The following GPR137C variants were observed in gnomAD, a reference collection of about 807,000 sequenced individuals.
GPR137C encodes G protein-coupled receptor 137C.
In GPR137C, 27 loss-of-function variants were observed where a neutral mutation model predicts 43.4. The ratio of observed to expected loss-of-function variants is 0.62; its 90% CI spans 0.46 to 0.86. The LOEUF (loss-of-function observed/expected upper bound fraction) is 0.86. Among genes scored for constraint, GPR137C ranks in the 40% least tolerant of loss-of-function variants. The probability of loss-of-function intolerance (pLI) is 0.00; values close to 1 mark genes in which losing one functional copy is unlikely to be tolerated. For missense variants in GPR137C, 522 were observed against 534.6 expected, an observed-to-expected ratio of 0.98 and a Z score of 0.23; for synonymous variants, 285 against 226.9, an observed-to-expected ratio of 1.26 and a Z score of -2.30.
intron 1 of GPR137C, among the ~76,000 whole-genome samples, chr14:52,580,681 A>T (rs1340862626): frequency 6.6e-6 from 1 of 151,664 alleles, no homozygotes; most frequent in African/African-American, 2.4e-5. Flanking sequence ...AATTTTTTTA[A>T]GCATTAGGGT....
chr14:52,633,676 A>ATGCC (rs772358859), intron 5 of GPR137C, 21 bp downstream of exon 5: 3 of 1,609,414 alleles, frequency 1.9e-6, no homozygotes, highest in Non-Finnish European at 2.5e-6. Flanking sequence ...ATATTCCCCA[A>ATGCC]TGCCTGTTCT....
chr14:52,623,952 G>T (rs1157222553), intron 3 of GPR137C, among the ~76,000 whole-genome samples: 2 of 151,954 alleles, frequency 1.3e-5, no homozygotes, highest in Non-Finnish European at 2.9e-5. Flanking sequence ...TTCATTTTCA[G>T]AATGTTTTTC....
At chr14:52,577,348 A>G (rs2038573171) in intron 1 of GPR137C, among the ~76,000 whole-genome samples, 2 of 152,060 alleles carry the variant, frequency 1.3e-5, no homozygotes, top group African/African-American at 4.8e-5. Flanking sequence ...GCAGGCTGAA[A>G]GGGAAGTTTA....
At chr14:52,585,154 G>A (rs17093002) in intron 1 of GPR137C, among the ~76,000 whole-genome samples, 23,006 of 152,008 alleles carry the variant, frequency 0.15, 2,368 homozygotes, top group East Asian at 0.52. Context: ...TATCCTTCTC[G>A]ATATCAAAAT....
chr14:52,553,318 C>T lies in GPR137C; in HGVS notation c.171C>T (p.Tyr57=), dbSNP rs1204560140. The change falls in exon 1 of 7, where the codon TAC becomes TAT. Residue 57 remains tyrosine (Y), a synonymous_variant. Transcript: ENST00000321662. ...TGAGCGTCCTGCACGCCCTGCTCTA[C>T]GCCGCGCTGTTCGCCTTTGCCTACC... The part of the protein sequence containing the change: ...LALSVLHALL[Y]AALFAFAYLQ... 1.9e-6 allele frequency: 3 copies of T among 1,585,056 alleles called. No individual in the cohort carries two copies. The East Asian group carries it at 6.8e-5, about 36-fold the overall frequency.
intron 1 of GPR137C, among the ~76,000 whole-genome samples, chr14:52,582,375 C>T (rs765801960): frequency 1.3e-5 from 2 of 152,196 alleles, no homozygotes; most frequent in Non-Finnish European, 2.9e-5. Flanking sequence ...ATTGCACATT[C>T]CTCAAGTCTT....
chr14:52,625,192 T>C (rs1214820240), intron 3 of GPR137C, among the ~76,000 whole-genome samples: 1 of 151,904 alleles, frequency 6.6e-6, no homozygotes, highest in Non-Finnish European at 1.5e-5. Flanking sequence ...TCTTAGAAAA[T>C]AGAGGAGGGG....
At position 52,595,894 on chromosome 14, in the gene GPR137C, G is replaced by A. The variant is rs562384032; in HGVS notation, c.445-2378G>A. ...ATCTGCTATCCTTTGGAGGAGAAGA[G>A]GCAGTCTGGTTTTTGGAATTTTCAG... On this transcript the variant is annotated intron_variant, in intron 1 of 6. Coordinates refer to ENST00000321662, the MANE Select transcript of GPR137C (RefSeq NM_001099652.2). 8.5e-5 allele frequency among the ~76,000 whole-genome samples: 13 copies of A among 152,314 alleles called. No homozygotes were observed. The East Asian group carries it at 2.5e-3, about 29-fold the overall frequency.
intron 3 of GPR137C, among the ~76,000 whole-genome samples, chr14:52,603,115 C>T (rs2038945476): frequency 6.6e-6 from 1 of 152,122 alleles, no homozygotes. Context: ...CTTCCTTTTC[C>T]AGCCTCTAGT....
Position 52,619,587 on chromosome 14 carries a change from C to T in GPR137C, c.718-12573C>T, listed in dbSNP as rs556484470. Among the ~76,000 whole-genome samples, 3 of 152,244 alleles carry T rather than the reference C, an allele frequency of 2.0e-5. No individual in the cohort carries two copies. In the East Asian group the frequency reaches 5.8e-4, roughly 29 times the overall value. On this transcript the variant is annotated intron_variant, in intron 3 of 6. Transcript: ENST00000321662. ...GTCCCATTTGAAAGATCCTTGCTTACACTTAGGTTTATATCTCTTATCTTC... is the reference window on the plus strand; with the variant it reads ...GTCCCATTTGAAAGATCCTTGCTTATACTTAGGTTTATATCTCTTATCTTC...
At chr14:52,586,011 C>T (rs1000293300) in intron 1 of GPR137C, among the ~76,000 whole-genome samples, 6 of 152,060 alleles carry the variant, frequency 3.9e-5, no homozygotes, top group Non-Finnish European at 8.8e-5. Flanking sequence ...GTGGGGAATG[C>T]TACAGGAGAG....
At position 52,600,382 on chromosome 14, in the gene GPR137C, C is replaced by A. The variant is rs751604921; in HGVS notation, c.717+41C>A. Reference sequence around the variant, plus strand: ...AAATTGGCACTTGAAAATCTAATTTCAAATTCTTACCCTACTAATCATATT... The same window carrying A: ...AAATTGGCACTTGAAAATCTAATTTAAAATTCTTACCCTACTAATCATATT... On this transcript the variant is annotated intron_variant, in intron 3 of 6. Coordinates refer to ENST00000321662, the MANE Select transcript of GPR137C (RefSeq NM_001099652.2). The A allele has an allele frequency of 1.6e-5, 16 of 1,008,800 alleles. No homozygotes were observed. In the Admixed American group the frequency reaches 3.3e-4, roughly 21 times the overall value. 62.5% of individuals were successfully genotyped at this position (1,008,800 alleles called of 1,614,324 possible).
chr14:52,628,259 G>T (rs2039252962), intron 3 of GPR137C, among the ~76,000 whole-genome samples: 1 of 152,080 alleles, frequency 6.6e-6, no homozygotes, highest in Non-Finnish European at 1.5e-5. Context: ...AATACCACAA[G>T]GAATTTTTTA....
intron 1 of GPR137C, among the ~76,000 whole-genome samples, chr14:52,581,532 T>TC: frequency 7.2e-6 from 1 of 139,192 alleles, no homozygotes; most frequent in East Asian, 2.1e-4. Flanking sequence ...AGACTCCGTC[T>TC]CAAAAAAAAA....
intron 1 of GPR137C, among the ~76,000 whole-genome samples, chr14:52,589,501 G>T (rs1384700532): frequency 6.6e-6 from 1 of 152,134 alleles, no homozygotes; most frequent in Non-Finnish European, 1.5e-5. Context: ...AAGAATGAAG[G>T]TAATCAATTA....
chr14:52,588,240 G>A (rs910768789), intron 1 of GPR137C, among the ~76,000 whole-genome samples: 1 of 152,144 alleles, frequency 6.6e-6, no homozygotes, highest in Non-Finnish European at 1.5e-5. Context: ...TGCCTCCCGA[G>A]TTCAGGCAAT....
In GPR137C at chr14:52,553,573, C is replaced by A; in HGVS notation, c.426C>A (p.Leu142=). The change falls in exon 1 of 7, where the codon CTC becomes CTA. Residue 142 remains leucine, a synonymous_variant. Coordinates refer to ENST00000321662, the MANE Select transcript of GPR137C (RefSeq NM_001099652.2). ...SCLQFSTLCL[L]NLYLAEVICK... ...TCCAGTTCTCCACGCTCTGTCTCCTCAACCTCTACCTGGCGGAGGTAAGGC... is the reference window on the plus strand; with the variant it reads ...TCCAGTTCTCCACGCTCTGTCTCCTAAACCTCTACCTGGCGGAGGTAAGGC... 5 of 1,583,148 alleles carry A rather than the reference C, an allele frequency of 3.2e-6. No individual in the cohort carries two copies. The highest frequency in any genetic ancestry group is 3.4e-6 in the Non-Finnish European group (4 of 1,164,618).
intron 1 of GPR137C, among the ~76,000 whole-genome samples, chr14:52,578,954 A>C (rs1434370114): frequency 6.6e-6 from 1 of 152,144 alleles, no homozygotes; most frequent in Admixed American, 6.5e-5. Context: ...CAAAAAAAAA[A>C]AAAAAGAATG....
intron 1 of GPR137C, among the ~76,000 whole-genome samples, chr14:52,589,648 ATG>A: frequency 6.6e-6 from 1 of 152,314 alleles, no homozygotes; most frequent in Admixed American, 6.5e-5. Context: ...CCTCTAGTAG[ATG>A]GTAGTACTGT....
Sources: allele counts gnomAD v4.1 joint callset (sites outside exome capture counted in the v4.1 genomes callset), GRCh38; gene constraint gnomAD v4.1.1; transcripts MANE v1.5; gene names NCBI Gene and HGNC (gene_info 2026-07-23, HGNC 2026-07-21).